The following TMEM200C variants were observed in gnomAD, a reference collection of about 807,000 sequenced individuals.
The protein encoded by TMEM200C is transmembrane protein TTMA.
For missense variants in TMEM200C, 966 were observed against 699.9 expected (o/e 1.38, Z -4.29); for synonymous variants, 462 against 324.7 (o/e 1.42, Z -4.55).
intron 2 of TMEM200C, among the ~76,000 whole-genome samples, chr18:5,893,331 A>AT (rs1159121367): frequency 1.3e-5 from 2 of 152,082 alleles, no homozygotes; most frequent in Non-Finnish European, 2.9e-5. Context: ...TCATGAGGTC[A>AT]TTTTTAGGAA....
At chr18:5,887,685 C>A (rs568471153) in exon 3 of TMEM200C, 1 of 152,274 alleles carries the variant, frequency 6.6e-6, no homozygotes, top group African/African-American at 2.4e-5. Flanking sequence ...TCACTGAGAT[C>A]ATGTGTACCA....
chr18:5,887,586 G>A (rs780854306), exon 3 of TMEM200C: 1 of 152,136 alleles, frequency 6.6e-6, no homozygotes, highest in East Asian at 1.9e-4. Context: ...TGTAACCCTG[G>A]ACAACAATTC....
exon 3 of TMEM200C, chr18:5,888,099 T>C (rs2095166769): frequency 1.3e-5 from 2 of 152,166 alleles, no homozygotes; most frequent in African/African-American, 4.8e-5. Flanking sequence ...CCAGAACCTG[T>C]TTTCCCCTTG....
chr18:5,884,448 G>T (rs1007014370), exon 3 of TMEM200C: 3 of 151,964 alleles, frequency 2.0e-5, no homozygotes, highest in African/African-American at 7.3e-5. Flanking sequence ...TGGTTTATGT[G>T]CCTGTCTCAG....
chr18:5,892,199 T>A, intron 2 of TMEM200C, 42 bp from the exon 2 acceptor site: 2 of 851,578 alleles, frequency 2.3e-6, no homozygotes, highest in Non-Finnish European at 3.5e-6. Context: ...TCAGCTTGGC[T>A]GCAGTGACAT....
intron 1 of TMEM200C, among the ~76,000 whole-genome samples, 114 bp from the exon 1 acceptor site, chr18:5,895,636 C>A (rs979611433): frequency 6.8e-6 from 1 of 148,136 alleles, no homozygotes; most frequent in East Asian, 2.0e-4. Flanking sequence ...CCCGCTCCCC[C>A]GCGTCCTCCG....
exon 3 of TMEM200C, chr18:5,888,523 G>C (rs764818940): frequency 2.0e-5 from 3 of 152,206 alleles, no homozygotes; most frequent in Non-Finnish European, 2.9e-5. Context: ...GAAGATCATA[G>C]AGATTATATC....
In TMEM200C at chr18:5,891,237, G is replaced by C; in HGVS notation, c.827C>G (p.Ala276Gly). The change falls in exon 3 of 3, where the codon GCG (alanine) becomes GGG (glycine). Residue 276 changes from alanine (A) to glycine (G), a missense_variant. Ala to Gly is a moderately conservative substitution (Grantham distance 60). Transcript: ENST00000581347. This position sits in a 1 kb window ranked among gnomAD's most constrained non-coding sequence, Gnocchi z 4.7. ...CCACGAGCCCTTGGCCAGCATCGCC[G>C]CCGCTCCGAAGGCGTCCCCGGAGCC... The C allele has an allele frequency of 7.4e-7, 1 of 1,345,888 alleles. No homozygotes were observed. The highest frequency in any genetic ancestry group is 9.6e-7 in the Non-Finnish European group (1 of 1,039,542). 83.4% of individuals were successfully genotyped at this position (1,345,888 alleles called of 1,614,324 possible). A position where few individuals can be genotyped will look rare whatever the true frequency, so the allele number is the denominator to read the frequency against.
exon 3 of TMEM200C, chr18:5,888,886 TA>T (rs1330811735): frequency 6.6e-6 from 1 of 152,212 alleles, no homozygotes; most frequent in African/African-American, 2.4e-5. Context: ...GCCTCACAGC[TA>T]GGAGATGCCA....
At chr18:5,889,693 T>C (rs1358443841) in exon 3 of TMEM200C, 1 of 152,202 alleles carries the variant, frequency 6.6e-6, no homozygotes. Flanking sequence ...TGCTTTTGGC[T>C]TTGACTTCAG....
intron 2 of TMEM200C, among the ~76,000 whole-genome samples, chr18:5,894,256 T>A (rs2095173851): frequency 6.6e-6 from 1 of 152,186 alleles, no homozygotes; most frequent in African/African-American, 2.4e-5. Flanking sequence ...TAAGGAAGGT[T>A]GGAATGGATT....
chr18:5,895,733 CGCTCGGGCCGCGGG>C (rs1321541359), intron 1 of TMEM200C: 1 of 150,564 alleles, frequency 6.6e-6, no homozygotes, highest in Non-Finnish European at 1.5e-5. Flanking sequence ...CGGCACGGGG[CGCTCGGGCCGCGGG>C]GCAGGGGGCG....
chr18:5,886,731 C>G (rs1267576206), exon 3 of TMEM200C: 1 of 151,880 alleles, frequency 6.6e-6, no homozygotes, highest in Non-Finnish European at 1.5e-5. Context: ...TTCTATGTGC[C>G]AAATTCCATT....
exon 3 of TMEM200C, chr18:5,889,543 C>T (rs1336394243): frequency 1.3e-5 from 2 of 152,200 alleles, no homozygotes; most frequent in Non-Finnish European, 2.9e-5. Flanking sequence ...AACAGTCCAT[C>T]TAGTTCCTGG....
At chr18:5,893,282 CTG>C (rs2095172959) in intron 2 of TMEM200C, among the ~76,000 whole-genome samples, 1 of 152,004 alleles carries the variant, frequency 6.6e-6, no homozygotes, top group African/African-American at 2.4e-5. Flanking sequence ...CAAGCCAAAA[CTG>C]TTTTGTTTTG....
At chr18:5,886,345 T>A (rs2144434393) in exon 3 of TMEM200C, 1 of 152,272 alleles carries the variant, frequency 6.6e-6, no homozygotes, top group Non-Finnish European at 1.5e-5. Flanking sequence ...ATGCAATAAT[T>A]GTGGCTAAAT....
intron 1 of TMEM200C, 38 bp from the exon 1 acceptor site, chr18:5,895,560 G>A (rs1191753159): frequency 2.8e-5 from 4 of 145,230 alleles, no homozygotes; most frequent in East Asian, 2.1e-4. Flanking sequence ...GAGTCGGGGG[G>A]CGCCCCCGCC....
exon 3 of TMEM200C, chr18:5,890,325 T>A: frequency 6.2e-7 from 1 of 1,604,702 alleles, no homozygotes; most frequent in Admixed American, 1.7e-5. Context: ...GGGTGGCTCC[T>A]GGCTGGCACC....
chr18:5,888,721 A>C (rs2095167302), exon 3 of TMEM200C: 1 of 152,226 alleles, frequency 6.6e-6, no homozygotes, highest in Non-Finnish European at 1.5e-5. Flanking sequence ...TATTGAATAC[A>C]TCCTGTGGGC....
Sources: gnomAD v4.1 joint callset for allele counts (sites outside exome capture counted in the v4.1 genomes callset) on GRCh38, gnomAD v4.1.1 for gene constraint, Gnocchi (gnomAD v3.1) non-coding constraint, MANE v1.5 for transcripts, NCBI Gene and HGNC (gene_info 2026-07-23, HGNC 2026-07-21) for gene names.